Variants in CDKL4 observed in about 807,000 individuals in gnomAD.
CDKL4 encodes cyclin dependent kinase like 4.
In CDKL4, 44 loss-of-function variants were observed where a neutral mutation model predicts 42.0. The observed-to-expected ratio is 1.05, with a 90% CI of 0.82 to 1.35. The LOEUF (loss-of-function observed/expected upper bound fraction) is 1.35, where lower values mean the gene tolerates loss of function less well. CDKL4 is among the 40% of genes most tolerant of loss of function. The pLI is 0.00. For synonymous variants in CDKL4, 120 were observed against 121.6 expected, an observed-to-expected ratio of 0.99 and a Z score of 0.09; for missense variants, 393 against 369.9, an observed-to-expected ratio of 1.06 and a Z score of -0.51.
At chr2:39,192,812 C>G (rs1202539847) in intron 5 of CDKL4, among the ~76,000 whole-genome samples, 1 of 152,014 alleles carries the variant, frequency 6.6e-6, no homozygotes, top group African/African-American at 2.4e-5. Flanking sequence ...AATCCCTGCA[C>G]AAAGCTTTTT....
Position 39,233,834 on chromosome 2 carries a change from T to C in CDKL4, c.-56-4246A>G, listed in dbSNP as rs1679216382. ...ATTTGGAGATACGAAAAAGCCACAA[T>C]GAATCAGATATTCAAATCACAAGTG... is the stretch of plus-strand genomic sequence containing the variant. On this transcript the variant is annotated intron_variant, in intron 1 of 9. Coordinates refer to ENST00000451199, the Ensembl canonical transcript of CDKL4. Among the ~76,000 whole-genome samples the C allele has an allele frequency of 2.0e-5, 3 of 149,444 alleles. No homozygotes were observed. In the South Asian group the frequency reaches 6.3e-4, roughly 31 times the overall value.
intron 8 of CDKL4, among the ~76,000 whole-genome samples, chr2:39,183,229 G>T (rs1675542409): frequency 6.6e-6 from 1 of 151,572 alleles, no homozygotes; most frequent in Non-Finnish European, 1.5e-5. Context: ...ACAGTGAGCG[G>T]AGAACTCCAG....
At chr2:39,199,527 C>T (rs575375197) in intron 5 of CDKL4, among the ~76,000 whole-genome samples, 1 of 151,884 alleles carries the variant, frequency 6.6e-6, no homozygotes, top group Non-Finnish European at 1.5e-5. Flanking sequence ...CAGAAAAGGA[C>T]ATAACAAAAA....
intron 4 of CDKL4, among the ~76,000 whole-genome samples, chr2:39,206,977 G>A (rs927473473): frequency 1.3e-5 from 2 of 152,154 alleles, no homozygotes; most frequent in Non-Finnish European, 2.9e-5. Flanking sequence ...GGTAACAGGA[G>A]CTTGTTCCTA....
At chr2:39,231,867 T>A (rs998498571) in intron 1 of CDKL4, among the ~76,000 whole-genome samples, 1 of 152,158 alleles carries the variant, frequency 6.6e-6, no homozygotes, top group African/African-American at 2.4e-5. Flanking sequence ...CAGTGAACTA[T>A]GATTGTACCA....
chr2:39,229,458 GGTT>G, exon 2 of CDKL4: 4 of 1,613,326 alleles, frequency 2.5e-6, no homozygotes, highest in Non-Finnish European at 3.4e-6. Flanking sequence ...CTTGTCCAGA[GGTT>G]TTGTTTCTGC....
chr2:39,243,902 G>C (rs1679792479), exon 1 of CDKL4, among the ~76,000 whole-genome samples: 1 of 152,234 alleles, frequency 6.6e-6, no homozygotes, highest in Admixed American at 6.5e-5. Context: ...ACGAAGCTTC[G>C]AGCAGCGCCG....
chr2:39,168,692 G>A, the CDKL4 span, among the ~76,000 whole-genome samples: 974 of 148,724 alleles, frequency 6.5e-3, 11 homozygotes, highest in African/African-American at 0.023. Flanking sequence ...CTGAGATAGC[G>A]CCATTGAAAC....
At chr2:39,179,268 C>T (rs1443581589) in exon 9 of CDKL4, 1 of 1,613,198 alleles carries the variant, frequency 6.2e-7, no homozygotes. Flanking sequence ...AGTAGGAGCT[C>T]TCCAGGAGTT....
At chr2:39,246,366 C>G (rs1203481087), upstream of CDKL4, among the ~76,000 whole-genome samples, 2 of 152,184 alleles carry the variant, frequency 1.3e-5, no homozygotes, top group Non-Finnish European at 2.9e-5. Context: ...ATCTATCATG[C>G]TATAGAAAAA....
At chr2:39,183,144 G>T (rs1197081649) in intron 8 of CDKL4, among the ~76,000 whole-genome samples, 2 of 152,164 alleles carry the variant, frequency 1.3e-5, no homozygotes, top group Non-Finnish European at 2.9e-5. Context: ...GTCTGGTGTG[G>T]TGGCGTGTGC....
intron 4 of CDKL4, among the ~76,000 whole-genome samples, chr2:39,208,624 T>G (rs1677361162): frequency 6.6e-6 from 1 of 151,884 alleles, no homozygotes; most frequent in African/African-American, 2.4e-5. Context: ...ATTACAGGCA[T>G]GAGACACCAT....
At chr2:39,201,498 T>C (rs1436646041) in intron 5 of CDKL4, among the ~76,000 whole-genome samples, 1 of 152,102 alleles carries the variant, frequency 6.6e-6, no homozygotes, top group Non-Finnish European at 1.5e-5. Context: ...GAAGTCATTA[T>C]ATAAAAAATA....
intron 4 of CDKL4, among the ~76,000 whole-genome samples, chr2:39,206,519 G>A (rs1677202356): frequency 6.6e-6 from 1 of 152,206 alleles, no homozygotes; most frequent in Admixed American, 6.5e-5. Flanking sequence ...AAGCCCGCGC[G>A]CACATGGGCA....
downstream of CDKL4, among the ~76,000 whole-genome samples, chr2:39,173,627 G>A (rs955393299): frequency 6.6e-6 from 1 of 152,064 alleles, no homozygotes; most frequent in African/African-American, 2.4e-5. Flanking sequence ...GGCTAACACG[G>A]TGAAACCCTG....
chr2:39,212,213 ACGG>A (rs2148351102), intron 4 of CDKL4, among the ~76,000 whole-genome samples: 1 of 151,724 alleles, frequency 6.6e-6, no homozygotes, highest in East Asian at 1.9e-4. Context: ...CTTGAGAACT[ACGG>A]CTATAAAAAA....
At chr2:39,244,571 T>C (rs188434701), upstream of CDKL4, among the ~76,000 whole-genome samples, 1,318 of 151,896 alleles carry the variant, frequency 8.7e-3, 23 homozygotes, top group African/African-American at 0.03. Flanking sequence ...CCTCCATGGG[T>C]TCCTGTGCGG....
At chr2:39,212,465 C>T (rs529446657) in intron 4 of CDKL4, among the ~76,000 whole-genome samples, 1 of 151,882 alleles carries the variant, frequency 6.6e-6, no homozygotes, top group South Asian at 2.1e-4. Context: ...GATCTCCTGA[C>T]TTCGTGATCC....
chr2:39,202,912 G>A (rs573595370), intron 5 of CDKL4, among the ~76,000 whole-genome samples: 2 of 152,184 alleles, frequency 1.3e-5, no homozygotes, highest in South Asian at 4.1e-4. Context: ...ACCAGTGCCT[G>A]AGCTCATGTC....
Sources: gnomAD v4.1 joint callset for allele counts (sites outside exome capture counted in the v4.1 genomes callset) on GRCh38, gnomAD v4.1.1 for gene constraint, MANE v1.5 for transcripts, NCBI Gene and HGNC (gene_info 2026-07-23, HGNC 2026-07-21) for gene names.